TMEM38B: variants seen among roughly 807,000 people sequenced by gnomAD.
TMEM38B encodes trimeric intracellular cation channel type B.
A neutral mutation model predicts 28.7 loss-of-function variants in TMEM38B; 24 were observed. That is an observed-to-expected ratio of 0.84 (90% CI 0.61 to 1.18). The LOEUF (loss-of-function observed/expected upper bound fraction) is 1.18. Ranked by LOEUF, TMEM38B falls within the 50% of genes most tolerant of loss-of-function variation. The pLI, the probability that TMEM38B is intolerant of heterozygous loss-of-function variation, is 0.00. For synonymous variants in TMEM38B, 131 were observed against 127.7 expected, an observed-to-expected ratio of 1.03 and a Z score of -0.17; for missense variants, 380 against 350.9, an observed-to-expected ratio of 1.08 and a Z score of -0.66.
chr9:105,739,991 T>G (rs548676481), intron 4 of TMEM38B, among the ~76,000 whole-genome samples: 4 of 152,194 alleles, frequency 2.6e-5, no homozygotes, highest in Non-Finnish European at 4.4e-5. Context: ...CAAGTGATTC[T>G]CCTGCCTCAG....
rs551188872 is a variant in TMEM38B at position 105,762,202 on chromosome 9, G to T, written c.661-11663G>T. On this transcript the variant is annotated intron_variant, in intron 5 of 5. Transcript: ENST00000374692. ...ATTACTGATTTTTATTAAAAATCTGGACAGAAAATTATAAATATGACTTTA... is the reference window on the plus strand; with the variant it reads ...ATTACTGATTTTTATTAAAAATCTGTACAGAAAATTATAAATATGACTTTA... Among the ~76,000 whole-genome samples the T allele has an allele frequency of 2.6e-4, 39 of 151,564 alleles. 1 individual carries two copies. In the East Asian group the frequency reaches 7.6e-3, roughly 29 times the overall value.
chr9:105,700,390 C>G (rs902207713), intron 1 of TMEM38B, among the ~76,000 whole-genome samples: 1 of 152,060 alleles, frequency 6.6e-6, no homozygotes, highest in African/African-American at 2.4e-5. Flanking sequence ...CTCACACATT[C>G]CTGTAAGGTA....
At chr9:105,740,286 G>A (rs1837152490) in intron 4 of TMEM38B, among the ~76,000 whole-genome samples, 1 of 146,964 alleles carries the variant, frequency 6.8e-6, no homozygotes, top group South Asian at 2.2e-4. Context: ...TTTGAAACAG[G>A]GTCTTGCTCT....
At chr9:105,745,578 G>T (rs7856356) in intron 4 of TMEM38B, among the ~76,000 whole-genome samples, 1 of 151,876 alleles carries the variant, frequency 6.6e-6, no homozygotes, top group Admixed American at 6.6e-5. Flanking sequence ...CTGTGCAGAA[G>T]CTCTTGAGTT....
At chr9:105,756,004 G>A (rs1418590570) in intron 5 of TMEM38B, among the ~76,000 whole-genome samples, 2 of 152,120 alleles carry the variant, frequency 1.3e-5, no homozygotes, top group African/African-American at 2.4e-5. Flanking sequence ...GCCAAGGTTG[G>A]CAGATCTCTA....
At position 105,722,573 on chromosome 9, in the gene TMEM38B, T is replaced by TA. The variant is rs1310065932; in HGVS notation, c.498dup (p.Gly167ArgfsTer8). ...ATTATAACGAATTTTGAGAGGTTGGTAAAAGGAGATTGGAAACCAGAAGGT... is the reference window on the plus strand; with the variant it reads ...ATTATAACGAATTTTGAGAGGTTGGTAAAAAGGAGATTGGAAACCAGAAGGT... On this transcript the variant is annotated frameshift_variant, in exon 4 of 6. Transcript: ENST00000374692. LOFTEE classifies it high-confidence loss of function. 6.2e-7 allele frequency: 1 copy of TA among 1,613,728 alleles called. No homozygotes were observed. Among genetic ancestry groups the TA allele is most frequent in the South Asian group, 1.1e-5 (1 of 91,072 alleles).
chr9:105,773,784 A>AT lies in TMEM38B; in HGVS notation c.661-73dup, dbSNP rs573444240. On this transcript the variant is annotated intron_variant, in intron 5 of 5. Coordinates refer to ENST00000374692, the MANE Select transcript of TMEM38B (RefSeq NM_018112.3). ...CAGATTACATTAATAATGCATTTTG[A>AT]TTTTTTTTCCTTTTGTTTCTCTCTC... The AT allele has an allele frequency of 7.2e-4, 999 of 1,392,498 alleles. 10 individuals are homozygous for AT. The African/African-American group carries it at 0.011, about 15-fold the overall frequency. 86.3% of individuals were successfully genotyped at this position (1,392,498 alleles called of 1,614,324 possible). A position where few individuals can be genotyped will look rare whatever the true frequency, so the allele number is the denominator to read the frequency against.
At chr9:105,724,715 A>G (rs942688260) in intron 4 of TMEM38B, among the ~76,000 whole-genome samples, 4 of 152,194 alleles carry the variant, frequency 2.6e-5, no homozygotes, top group African/African-American at 9.6e-5. Context: ...TAACTTGAAA[A>G]ATACCCCTTT....
At chr9:105,727,864 A>G (rs976127703) in intron 4 of TMEM38B, among the ~76,000 whole-genome samples, 2 of 152,120 alleles carry the variant, frequency 1.3e-5, no homozygotes, top group African/African-American at 4.8e-5. Flanking sequence ...CTGAGTTCAC[A>G]CAAGATCTGG....
chr9:105,751,351 G>A (rs911738696), intron 5 of TMEM38B, among the ~76,000 whole-genome samples: 4 of 152,172 alleles, frequency 2.6e-5, no homozygotes, highest in Admixed American at 6.5e-5. Context: ...AGGGAACCAC[G>A]CTTTTCTCAT....
At chr9:105,720,311 A>G (rs1352094901) in intron 2 of TMEM38B, among the ~76,000 whole-genome samples, 3 of 150,824 alleles carry the variant, frequency 2.0e-5, no homozygotes, top group Non-Finnish European at 2.9e-5. Context: ...TCTAAGAACT[A>G]TTGTAGTTCA....
intron 4 of TMEM38B, among the ~76,000 whole-genome samples, chr9:105,745,293 A>T (rs1353865320): frequency 6.6e-6 from 1 of 152,158 alleles, no homozygotes; most frequent in Non-Finnish European, 1.5e-5. Flanking sequence ...CTGGTGTGAG[A>T]TGGTATCTCA....
intron 5 of TMEM38B, among the ~76,000 whole-genome samples, chr9:105,754,957 A>G (rs966475323): frequency 6.6e-6 from 1 of 152,218 alleles, no homozygotes; most frequent in Non-Finnish European, 1.5e-5. Context: ...ACAAACAACC[A>G]TCTATATAGA....
chr9:105,730,100 C>T (rs1025787482), intron 4 of TMEM38B, among the ~76,000 whole-genome samples: 1 of 152,076 alleles, frequency 6.6e-6, no homozygotes, highest in Non-Finnish European at 1.5e-5. Context: ...CCTGGCCAGA[C>T]CTTCCAATAC....
At chr9:105,702,658 G>A (rs999576657) in intron 1 of TMEM38B, 5 of 150,738 alleles carry the variant, frequency 3.3e-5, no homozygotes, top group Non-Finnish European at 1.5e-5. Context: ...TGTAGCTTTC[G>A]TTTCATGATG....
chr9:105,763,699 GAA>G (rs1489738978), intron 5 of TMEM38B, among the ~76,000 whole-genome samples: 2 of 152,096 alleles, frequency 1.3e-5, no homozygotes, highest in East Asian at 3.9e-4. Flanking sequence ...CCAATCAATA[GAA>G]AAAGAGGGAA....
chr9:105,739,773 C>G (rs1400274481), intron 4 of TMEM38B, among the ~76,000 whole-genome samples: 5 of 151,888 alleles, frequency 3.3e-5, no homozygotes, highest in Non-Finnish European at 7.4e-5. Context: ...GATCTGCCCA[C>G]CTTGGCCTCC....
At chr9:105,748,263 T>G in intron 5 of TMEM38B, 73 bp downstream of exon 5, 4 of 1,063,508 alleles carry the variant, frequency 3.8e-6, no homozygotes, top group Non-Finnish European at 5.6e-6. Flanking sequence ...TTTTGCATGC[T>G]GGGCAAGTAA....
chr9:105,701,634 G>T (rs1305482961), intron 1 of TMEM38B: 1 of 152,128 alleles, frequency 6.6e-6, no homozygotes, highest in Non-Finnish European at 1.5e-5. Flanking sequence ...CTTATATTTA[G>T]ATCAAACAGG....
Sources: gnomAD v4.1 joint callset for allele counts (sites outside exome capture counted in the v4.1 genomes callset) on GRCh38, gnomAD v4.1.1 for gene constraint, MANE v1.5 for transcripts, NCBI Gene and HGNC (gene_info 2026-07-23, HGNC 2026-07-21) for gene names.